The following SLC38A9 variants were observed in gnomAD, a reference collection of about 807,000 sequenced individuals.
SLC38A9 encodes solute carrier family 38 member 9, also known as neutral amino acid transporter 9.
SLC38A9 carries 48 observed loss-of-function variants against 62.3 expected under a neutral mutation model. That is an observed-to-expected ratio of 0.77 (90% CI 0.61 to 0.98). The LOEUF is 0.98. SLC38A9 is among the 50% of genes least tolerant of loss of function. The pLI is 0.00. For missense variants in SLC38A9, 541 were observed against 679.8 expected, an observed-to-expected ratio of 0.80 and a Z score of 2.27; for synonymous variants, 204 against 227.7, an observed-to-expected ratio of 0.90 and a Z score of 0.94.
At chr5:55,671,294 C>T (rs1303576250) in intron 4 of SLC38A9, among the ~76,000 whole-genome samples, 1 of 151,968 alleles carries the variant, frequency 6.6e-6, no homozygotes, top group Non-Finnish European at 1.5e-5. Context: ...GATTATTATA[C>T]AGCCTCTTTC....
Position 55,636,856 on chromosome 5 carries a change from C to G in SLC38A9, c.1168-1199G>C, listed in dbSNP as rs74993308. On this transcript the variant is annotated intron_variant, in intron 12 of 15. Coordinates refer to ENST00000396865, the MANE Select transcript of SLC38A9 (RefSeq NM_173514.4). ...GCTTATGCAGATTGGTTCCAGCCCTCTCAAAATGCGTCTAATTGCTTAGGA... is the reference window on the plus strand; with the variant it reads ...GCTTATGCAGATTGGTTCCAGCCCTGTCAAAATGCGTCTAATTGCTTAGGA... 6.3e-3 allele frequency among the ~76,000 whole-genome samples: 959 copies of G among 152,250 alleles called. 10 individuals carry two copies. The highest frequency in any genetic ancestry group is 0.022 in the African/African-American group (930 of 41,536).
At chr5:55,655,627 C>G (rs1246854857) in intron 9 of SLC38A9, among the ~76,000 whole-genome samples, 1 of 152,130 alleles carries the variant, frequency 6.6e-6, no homozygotes, top group African/African-American at 2.4e-5. Flanking sequence ...GAGTAGCAAA[C>G]ACTGGAATGT....
At chr5:55,673,665 T>C (rs762546144) in intron 3 of SLC38A9, among the ~76,000 whole-genome samples, 1 of 151,672 alleles carries the variant, frequency 6.6e-6, no homozygotes, top group Non-Finnish European at 1.5e-5. Flanking sequence ...ACTTAAAATG[T>C]AGTAACATAT....
chr5:55,673,090 T>C (rs1384895673), intron 3 of SLC38A9, among the ~76,000 whole-genome samples: 2 of 152,224 alleles, frequency 1.3e-5, no homozygotes, highest in Non-Finnish European at 1.5e-5. Flanking sequence ...TGGACTAAAA[T>C]GTCCCTCTCC....
chr5:55,673,602 C>A (rs1751664142), intron 3 of SLC38A9, among the ~76,000 whole-genome samples: 1 of 116,412 alleles, frequency 8.6e-6, no homozygotes, highest in South Asian at 3.4e-4. Context: ...GAAAAAAAAT[C>A]CAGATTTATC....
Position 55,672,592 on chromosome 5 carries a change from G to A in SLC38A9, c.217C>T (p.Arg73Trp), listed in dbSNP as rs755776712. 8.1e-6 allele frequency: 13 copies of A among 1,614,056 alleles called. No individual in the cohort carries two copies. Among genetic ancestry groups the A allele is most frequent in the East Asian group, 6.7e-5 (3 of 44,870 alleles). The change falls in exon 4 of 16, where the codon CGG (arginine) becomes TGG (tryptophan). Residue 73 changes from arginine to tryptophan, a missense_variant. Arg to Trp is a moderately radical substitution (Grantham distance 101). Coordinates refer to ENST00000396865, the MANE Select transcript of SLC38A9 (RefSeq NM_173514.4). ...GCCTTGTCTGCAGGAGTGGTGAGCC[G>A]GCTGTAGTAATGAATTCTCTTGTTC... ...AMNKRIHYYSRLTTPADKALI... is the reference protein window; with the variant it reads ...AMNKRIHYYSWLTTPADKALI...
chr5:55,673,872 T>C lies in SLC38A9; in HGVS notation c.114-1177A>G, dbSNP rs4865619. Reference sequence around the variant, plus strand: ...GACTACAGGTGTGCACCACCATGCCTGACTAATTTTTGTATTTTTAGTAGA... The same window carrying C: ...GACTACAGGTGTGCACCACCATGCCCGACTAATTTTTGTATTTTTAGTAGA... On this transcript the variant is annotated intron_variant, in intron 3 of 15. Transcript: ENST00000396865. 3.1e-3 allele frequency among the ~76,000 whole-genome samples: 476 copies of C among 151,962 alleles called. 2 individuals are homozygous for C. Among genetic ancestry groups the C allele is most frequent in the Non-Finnish European group, 2.7e-3 (185 of 67,950 alleles).
chr5:55,646,176 G>C (rs1746308162), intron 11 of SLC38A9, among the ~76,000 whole-genome samples: 1 of 152,202 alleles, frequency 6.6e-6, no homozygotes, highest in Non-Finnish European at 1.5e-5. Context: ...AGGAGTTTGA[G>C]ACCAGCCTGG....
chr5:55,680,464 G>C (rs1037334368), intron 3 of SLC38A9, among the ~76,000 whole-genome samples: 36 of 152,198 alleles, frequency 2.4e-4, no homozygotes, highest in Admixed American at 2.0e-4. Context: ...CCCTCATTAA[G>C]GCCCTTACAA....
intron 3 of SLC38A9, among the ~76,000 whole-genome samples, chr5:55,682,108 T>C (rs78928855): frequency 0.023 from 3,459 of 152,234 alleles, 55 homozygotes; most frequent in Non-Finnish European, 0.033. Flanking sequence ...GGGAGGAGCC[T>C]ACATGCCCTT....
chr5:55,627,958 T>G lies in SLC38A9; in HGVS notation c.1453A>C (p.Asn485His). 6.2e-7 allele frequency: 1 copy of G among 1,612,334 alleles called. No homozygotes were observed. The highest frequency in any genetic ancestry group is 8.5e-7 in the Non-Finnish European group (1 of 1,178,850). ...ACTCCAGCTCCCACAATAATTAGAT[T>G]AAGAATCAGCACATGGAAAATGCTA... ...YPSIFHVLIL[N>H]LIIVGAGVIM... Residue 485 changes from asparagine (N) to histidine (H), a missense_variant, in exon 15 of 16, where the codon AAT becomes CAT. By Grantham distance (68) the Asn-to-His change is moderately conservative (BLOSUM62 1). Transcript: ENST00000396865.
chr5:55,662,389 C>T (rs1340254031), intron 8 of SLC38A9, among the ~76,000 whole-genome samples: 1 of 151,976 alleles, frequency 6.6e-6, no homozygotes, highest in Admixed American at 6.6e-5. Context: ...TAAAAACAAG[C>T]GGCCAGGTGC....
At chr5:55,667,907 G>A (rs138996799) in intron 7 of SLC38A9, among the ~76,000 whole-genome samples, 4 of 152,230 alleles carry the variant, frequency 2.6e-5, no homozygotes, top group Middle Eastern at 3.4e-3. Flanking sequence ...AACAGTTATA[G>A]AGCCAATAAT....
chr5:55,657,142 C>T (rs555204171), intron 8 of SLC38A9, among the ~76,000 whole-genome samples: 91 of 152,240 alleles, frequency 6.0e-4, no homozygotes, highest in African/African-American at 2.1e-3. Flanking sequence ...CCGGGCCCAG[C>T]CTATAAAAAT....
At chr5:55,634,080 G>A (rs969671966) in intron 13 of SLC38A9, 178 bp from the exon 14 acceptor site, 10 of 428,222 alleles carry the variant, frequency 2.3e-5, no homozygotes, top group East Asian at 7.2e-5. Flanking sequence ...TATAGAAACC[G>A]AAAGTGTTCA....
At chr5:55,677,890 AG>A (rs1752341602) in intron 3 of SLC38A9, among the ~76,000 whole-genome samples, 1 of 140,608 alleles carries the variant, frequency 7.1e-6, no homozygotes, top group Non-Finnish European at 1.6e-5. Flanking sequence ...CCACCTTCTG[AG>A]GGGTCCCTCT....
At chr5:55,664,909 T>C in intron 7 of SLC38A9, 46 bp from the exon 8 acceptor site, 1 of 1,303,248 alleles carries the variant, frequency 7.7e-7, no homozygotes, top group South Asian at 1.7e-5. Context: ...TGAACATATA[T>C]TCCATATTCA....
chr5:55,660,933 A>G (rs1056990078), intron 8 of SLC38A9, among the ~76,000 whole-genome samples: 5 of 106,822 alleles, frequency 4.7e-5, no homozygotes, highest in Non-Finnish European at 6.6e-5. Context: ...GTAAGGAGAA[A>G]TTATACTATT....
chr5:55,656,607 T>A (rs1440302829), intron 9 of SLC38A9, 108 bp downstream of exon 9: 9 of 751,722 alleles, frequency 1.2e-5, no homozygotes, highest in Non-Finnish European at 2.1e-5. Context: ...GTAAACATAA[T>A]AATTTTCTAC....
Sources: gnomAD v4.1 joint callset for allele counts (sites outside exome capture counted in the v4.1 genomes callset) on GRCh38, gnomAD v4.1.1 for gene constraint, MANE v1.5 for transcripts, NCBI Gene and HGNC (gene_info 2026-07-23, HGNC 2026-07-21) for gene names.